The following ABCA10 variants were observed in gnomAD, a reference collection of about 807,000 sequenced individuals.
ABCA10 encodes ATP-binding cassette sub-family A member 10.
In ABCA10, 169 loss-of-function variants were observed where a neutral mutation model predicts 187.5. That is an observed-to-expected ratio of 0.90 (90% CI 0.80 to 1.02). The LOEUF (loss-of-function observed/expected upper bound fraction) is 1.02. Ranked by LOEUF, ABCA10 falls within the 50% of genes least tolerant of loss-of-function variation. ABCA10 has a pLI of 0.00. For synonymous variants in ABCA10, 574 were observed against 601.8 expected (o/e 0.95, Z 0.68); for missense variants, 1,727 against 1,812.4 (o/e 0.95, Z 0.86).
At chr17:69,161,522 G>T (rs1048814663) in intron 27 of ABCA10, among the ~76,000 whole-genome samples, 1 of 152,174 alleles carries the variant, frequency 6.6e-6, no homozygotes, top group Admixed American at 6.5e-5. Flanking sequence ...AGTATAATGT[G>T]GTGGGATGTG....
chr17:69,178,113 C>A (rs1056119645), intron 22 of ABCA10, among the ~76,000 whole-genome samples: 1 of 149,152 alleles, frequency 6.7e-6, no homozygotes, highest in Non-Finnish European at 1.5e-5. Flanking sequence ...GAATTTAAAA[C>A]AGACCAGGAA....
At chr17:69,181,252 G>A (rs759540968) in intron 22 of ABCA10, among the ~76,000 whole-genome samples, 2 of 152,072 alleles carry the variant, frequency 1.3e-5, no homozygotes, top group Non-Finnish European at 2.9e-5. Flanking sequence ...TAAAATTAAG[G>A]ATTTAGGTTT....
chr17:69,219,783 C>T lies in ABCA10; in HGVS notation c.304-12G>A, dbSNP rs2074732799. 1 of 1,511,488 alleles carries T rather than the reference C, an allele frequency of 6.6e-7. No individual in the cohort carries two copies. Among genetic ancestry groups the T allele is most frequent in the Non-Finnish European group, 8.9e-7 (1 of 1,122,546 alleles). The allele number at this position is 1,511,488 out of a possible 1,614,324, so 93.6% of individuals were successfully genotyped here. A position where few individuals can be genotyped will look rare whatever the true frequency, so the allele number is the denominator to read the frequency against. The stretch of plus-strand genomic sequence containing the variant: ...TGATTTGTTGTGACCTAAATTGGGA[C>T]ATTAGCAAATTTATTATGTGAACTA... On this transcript the variant is annotated splice_polypyrimidine_tract_variant and intron_variant, in intron 5 of 38. Coordinates refer to ENST00000690296, the MANE Select transcript of ABCA10 (RefSeq NM_001377321.1).
intron 16 of ABCA10, among the ~76,000 whole-genome samples, 168 bp downstream of exon 16, chr17:69,192,395 G>C (rs1429153746): frequency 6.6e-6 from 1 of 152,156 alleles, no homozygotes; most frequent in African/African-American, 2.4e-5. Flanking sequence ...AAAACCAAGA[G>C]ATAACCAAGA....
intron 9 of ABCA10, among the ~76,000 whole-genome samples, chr17:69,211,208 G>A (rs918804865): frequency 8.6e-5 from 13 of 150,326 alleles, no homozygotes; most frequent in African/African-American, 3.2e-4. Context: ...ATTTGCAATT[G>A]CAAAAATAGG....
intron 9 of ABCA10, among the ~76,000 whole-genome samples, chr17:69,210,823 TATATATGCCACATATTTATGCCAC>T (rs1326340937): frequency 1.4e-5 from 2 of 138,030 alleles, no homozygotes; most frequent in African/African-American, 6.4e-5. Context: ...TATACATATA[TATATATGCCACATATTTATGCCAC>T]ATATATATAT....
intron 9 of ABCA10, among the ~76,000 whole-genome samples, chr17:69,208,953 G>A (rs2074614276): frequency 6.6e-6 from 1 of 152,092 alleles, no homozygotes; most frequent in South Asian, 2.1e-4. Context: ...GAGGTGGGAG[G>A]ATAGCTTGAA....
In ABCA10 at chr17:69,174,361, T is replaced by C. The variant is rs751197097; in HGVS notation, c.3082A>G (p.Ile1028Val). 3.1e-6 allele frequency: 5 copies of C among 1,601,942 alleles called. No individual in the cohort carries two copies. The highest frequency in any genetic ancestry group is 4.2e-6 in the Non-Finnish European group (5 of 1,176,850). ...AATGAAAGCACATATGTGAGGAATATAAGAGAAACTGCACAACCAATTATG... is the reference window on the plus strand; with the variant it reads ...AATGAAAGCACATATGTGAGGAATACAAGAGAAACTGCACAACCAATTATG... ...VCIIGCAVSLIFLTYVLSFIF... is the reference protein window; with the variant it reads ...VCIIGCAVSLVFLTYVLSFIF... The change falls in exon 25 of 39, where the codon ATA becomes GTA. Residue 1028 changes from isoleucine to valine, a missense_variant. Physicochemically the swap from Ile to Val is conservative, Grantham distance 29. Transcript: ENST00000690296.
intron 19 of ABCA10, among the ~76,000 whole-genome samples, chr17:69,187,255 A>C (rs186128751): frequency 1.2e-4 from 18 of 152,292 alleles, no homozygotes; most frequent in African/African-American, 4.1e-4. Flanking sequence ...CATATATTTC[A>C]TACCAACTGC....
At chr17:69,206,767 CAAAATGGAGTAAAGACTT>C (rs1291154535) in intron 9 of ABCA10, among the ~76,000 whole-genome samples, 2 of 152,070 alleles carry the variant, frequency 1.3e-5, no homozygotes, top group Non-Finnish European at 2.9e-5. Flanking sequence ...AAAATCAACT[CAAAATGGAGTAAAGACTT>C]AAAAGTAAAA....
chr17:69,244,074 G>C (rs1241765171), intron 1 of ABCA10, among the ~76,000 whole-genome samples: 1 of 152,134 alleles, frequency 6.6e-6, no homozygotes, highest in Non-Finnish European at 1.5e-5. Context: ...TCTAAGGAAA[G>C]TGATAAATAT....
At chr17:69,243,012 T>C (rs2074914665) in intron 1 of ABCA10, among the ~76,000 whole-genome samples, 1 of 152,194 alleles carries the variant, frequency 6.6e-6, no homozygotes, top group African/African-American at 2.4e-5. Flanking sequence ...CCAGGTTCTA[T>C]GCTTATATCA....
At chr17:69,200,744 G>A (rs1356964332) in intron 10 of ABCA10, among the ~76,000 whole-genome samples, 1 of 152,196 alleles carries the variant, frequency 6.6e-6, no homozygotes, top group Non-Finnish European at 1.5e-5. Flanking sequence ...CAGGGTCTGG[G>A]TCTGTCGCCC....
chr17:69,185,856 G>A (rs2144794901), intron 19 of ABCA10, among the ~76,000 whole-genome samples: 1 of 152,244 alleles, frequency 6.6e-6, no homozygotes, highest in Middle Eastern at 3.4e-3. Flanking sequence ...AAGGGTAACA[G>A]AGCATCAAGA....
intron 11 of ABCA10, among the ~76,000 whole-genome samples, chr17:69,195,554 C>CTTTTTTTTTTTTTTTTTTTTTTTTT: frequency 9.7e-6 from 1 of 102,976 alleles, no homozygotes; most frequent in African/African-American, 4.2e-5. Flanking sequence ...TGAAGTTTTT[C>CTTTTTTTTTTTTTTTTTTTTTTTTT]TTTTTTTTTT....
Position 69,221,833 on chromosome 17 carries a change from A to T in ABCA10, c.262T>A (p.Phe88Ile), listed in dbSNP as rs760424871. Reference sequence around the variant, plus strand: ...TTAATTGCAGCTTGAAAAGCTACAAACCCTTTTAGCCAGTACTTTGCCAAG... The same window carrying T: ...TTAATTGCAGCTTGAAAAGCTACAATCCCTTTTAGCCAGTACTTTGCCAAG... ...CYLAKYWLKG[F>I]VAFQAAINAA... The change falls in exon 5 of 39, where the codon TTT (phenylalanine) becomes ATT (isoleucine). Residue 88 changes from phenylalanine to isoleucine, a missense_variant. Transcript: ENST00000690296. 4 of 1,613,432 alleles carry T rather than the reference A, an allele frequency of 2.5e-6. No individual in the cohort carries two copies. The Admixed American group carries it at 6.7e-5, about 27-fold the overall frequency.
At chr17:69,151,158 C>G (rs1487279832) in intron 36 of ABCA10, among the ~76,000 whole-genome samples, 1 of 152,152 alleles carries the variant, frequency 6.6e-6, no homozygotes, top group Non-Finnish European at 1.5e-5. Flanking sequence ...TCTCTTTACA[C>G]ATCAACTACA....
At chr17:69,173,700 T>C (rs1015556950) in intron 25 of ABCA10, among the ~76,000 whole-genome samples, 1 of 152,190 alleles carries the variant, frequency 6.6e-6, no homozygotes, top group Admixed American at 6.5e-5. Context: ...TGGACTGTTT[T>C]AATGTTTGAA....
At chr17:69,182,933 C>T in intron 20 of ABCA10, 125 bp from the exon 21 acceptor site, 1 of 1,233,984 alleles carries the variant, frequency 8.1e-7, no homozygotes, top group Non-Finnish European at 1.1e-6. Flanking sequence ...AGTAAAGAGC[C>T]TTGCTCTTTA....
Sources: allele counts gnomAD v4.1 joint callset (sites outside exome capture counted in the v4.1 genomes callset), GRCh38; gene constraint gnomAD v4.1.1; transcripts MANE v1.5; gene names NCBI Gene and HGNC (gene_info 2026-07-23, HGNC 2026-07-21).